MAGI3: variants seen among roughly 807,000 people sequenced by gnomAD.
MAGI3 encodes membrane associated guanylate kinase, WW and PDZ domain containing 3, also known as membrane-associated guanylate kinase, WW and PDZ domain-containing protein 3.
In MAGI3, 43 loss-of-function variants were observed where a neutral mutation model predicts 121.8. The ratio of observed to expected loss-of-function variants is 0.35; its 90% confidence interval spans 0.28 to 0.46. MAGI3 has a LOEUF of 0.46. Ranked by LOEUF, MAGI3 falls within the 20% of genes least tolerant of loss-of-function variation. The pLI is 1.00. For synonymous variants in MAGI3, 553 were observed against 639.3 expected, an observed-to-expected ratio of 0.86 and a Z score of 2.04; for missense variants, 1,547 against 1,797.3, an observed-to-expected ratio of 0.86 and a Z score of 2.52.
chr1:113,593,416 G>T (rs990768136), intron 5 of MAGI3, among the ~76,000 whole-genome samples: 2 of 152,058 alleles, frequency 1.3e-5, no homozygotes, highest in Non-Finnish European at 2.9e-5. Flanking sequence ...GGTGGCACAC[G>T]CCTGTAGTCA....
intron 1 of MAGI3, among the ~76,000 whole-genome samples, chr1:113,521,639 C>T (rs1223995064): frequency 2.6e-5 from 4 of 152,014 alleles, no homozygotes; most frequent in Non-Finnish European, 5.9e-5. Context: ...ATCTCCTGAC[C>T]TCGTGATCCA....
chr1:113,642,641 C>T (rs1652614225), intron 10 of MAGI3, 125 bp downstream of exon 10: 1 of 1,066,838 alleles, frequency 9.4e-7, no homozygotes, highest in Admixed American at 2.6e-5. Flanking sequence ...GTGCATTTTC[C>T]TTAAGGTTCT....
chr1:113,677,491 C>T (rs1183663981), intron 19 of MAGI3, among the ~76,000 whole-genome samples: 3 of 152,090 alleles, frequency 2.0e-5, no homozygotes, highest in Admixed American at 2.0e-4. Context: ...ATGTGCTTTC[C>T]GCTATGTCAG....
intron 1 of MAGI3, among the ~76,000 whole-genome samples, chr1:113,477,521 A>C (rs1397115074): frequency 6.6e-6 from 1 of 152,170 alleles, no homozygotes; most frequent in Non-Finnish European, 1.5e-5. Context: ...TCTGGGTTGA[A>C]AATTCTTTTC....
chr1:113,414,357 T>A (rs1176986154), intron 1 of MAGI3, among the ~76,000 whole-genome samples: 2 of 152,210 alleles, frequency 1.3e-5, no homozygotes, highest in Non-Finnish European at 2.9e-5. Context: ...GTTGTGTCTC[T>A]GCCAGGCTTT....
Position 113,505,512 on chromosome 1 carries a change from TAATAAATA to T in MAGI3, c.317-43966_317-43959del, listed in dbSNP as rs58511819. ...AAATAAGACATACAGGGTCCCTACA[TAATAAATA>T]AATAAATAAATAAATAAATAAATAA... On this transcript the variant is annotated intron_variant, in intron 1 of 20. Coordinates refer to ENST00000307546, the MANE Select transcript of MAGI3 (RefSeq NM_001142782.2). Among the ~76,000 whole-genome samples, 1,170 of 135,584 alleles carry T rather than the reference TAATAAATA, an allele frequency of 8.6e-3. 10 individuals carry two copies. The highest frequency in any genetic ancestry group is 0.013 in the Non-Finnish European group (807 of 64,134). The allele number at this position is 135,584 out of a possible 152,430, so 88.9% of individuals were successfully genotyped here. A position where few individuals can be genotyped will look rare whatever the true frequency, so the allele number is the denominator to read the frequency against.
Position 113,642,178 on chromosome 1 carries a change from A to G in MAGI3, c.1628A>G (p.Lys543Arg). The change falls in exon 10 of 21, where the codon AAA becomes AGA. Residue 543 changes from lysine (K) to arginine (R), a missense_variant. Transcript: ENST00000307546. ...GCAATGGTTCTGGAGCAGAATGGAA[A>G]ATCGGGACACACTTTGACTGGTGAT... ...PGAMVLEQNG[K>R]SGHTLTGDGL... The G allele has an allele frequency of 6.2e-7, 1 of 1,614,172 alleles. No homozygotes were observed. The highest frequency in any genetic ancestry group is 8.5e-7 in the Non-Finnish European group (1 of 1,180,028).
intron 16 of MAGI3, among the ~76,000 whole-genome samples, chr1:113,670,449 A>T (rs912692653): frequency 3.9e-5 from 6 of 152,196 alleles, no homozygotes; most frequent in Non-Finnish European, 8.8e-5. Context: ...ACTGCTTCTT[A>T]ATTATCTCTT....
chr1:113,557,171 T>C (rs1660030442), intron 2 of MAGI3, among the ~76,000 whole-genome samples: 1 of 151,850 alleles, frequency 6.6e-6, no homozygotes, highest in Non-Finnish European at 1.5e-5. Flanking sequence ...CATAGTGGCT[T>C]TGCCAGATCA....
chr1:113,425,752 T>G (rs1652977981), intron 1 of MAGI3, among the ~76,000 whole-genome samples: 1 of 152,192 alleles, frequency 6.6e-6, no homozygotes, highest in South Asian at 2.1e-4. Flanking sequence ...TCCGTCGTAA[T>G]AGACCCTGTT....
chr1:113,465,900 A>G (rs1655258792), intron 1 of MAGI3, among the ~76,000 whole-genome samples: 1 of 151,922 alleles, frequency 6.6e-6, no homozygotes, highest in Admixed American at 6.6e-5. Context: ...TTTTTTTGGT[A>G]GAATCTTTAG....
intron 2 of MAGI3, among the ~76,000 whole-genome samples, chr1:113,558,978 C>A (rs1660106121): frequency 6.6e-6 from 1 of 152,152 alleles, no homozygotes; most frequent in Admixed American, 6.5e-5. Flanking sequence ...GAATTAATAT[C>A]CTTTACAGAC....
intron 2 of MAGI3, among the ~76,000 whole-genome samples, chr1:113,559,301 A>G (rs914220056): frequency 6.6e-6 from 1 of 152,248 alleles, no homozygotes; most frequent in Non-Finnish European, 1.5e-5. Context: ...ACTGTCTTCA[A>G]GAGACCCATC....
In MAGI3 at chr1:113,633,238, A is replaced by ATTTTTTTTTT. The variant is rs71090716; in HGVS notation, c.1361-8641_1361-8632dup. ...TCCCTACAAAGGACATGAACTCATC[A>ATTTTTTTTTT]TTTTTTTTTTTTTTTTTTTTTTTTT... On this transcript the variant is annotated intron_variant, in intron 9 of 20. Transcript: ENST00000307546. Among the ~76,000 whole-genome samples, 16 of 56,670 alleles carry ATTTTTTTTTT rather than the reference A, an allele frequency of 2.8e-4. 5 individuals carry two copies. The highest frequency in any genetic ancestry group is 3.6e-4 in the Non-Finnish European group (11 of 30,902). The allele number at this position is 56,670 out of a possible 152,430, so 37.2% of individuals were successfully genotyped here.
At chr1:113,596,275 C>A (rs1210248925) in intron 6 of MAGI3, among the ~76,000 whole-genome samples, 4 of 152,128 alleles carry the variant, frequency 2.6e-5, no homozygotes, top group African/African-American at 9.7e-5. Context: ...TTATTTTCAA[C>A]CAAAGTGCCA....
intron 9 of MAGI3, among the ~76,000 whole-genome samples, chr1:113,633,131 C>T (rs1344220076): frequency 7.0e-6 from 1 of 143,730 alleles, no homozygotes; most frequent in Non-Finnish European, 1.5e-5. Flanking sequence ...TCACTTCCCA[C>T]CTATGAGTGA....
chr1:113,444,289 CAG>C (rs1175516854), intron 1 of MAGI3, among the ~76,000 whole-genome samples: 1 of 152,184 alleles, frequency 6.6e-6, no homozygotes, highest in South Asian at 2.1e-4. Flanking sequence ...CACAGAGGTG[CAG>C]AGAGAGGATG....
chr1:113,453,322 T>C (rs1654578448), intron 1 of MAGI3, among the ~76,000 whole-genome samples: 1 of 152,166 alleles, frequency 6.6e-6, no homozygotes, highest in Admixed American at 6.5e-5. Flanking sequence ...CAAATTTCCA[T>C]AAAGTAGAAC....
intron 5 of MAGI3, among the ~76,000 whole-genome samples, chr1:113,593,841 CT>C (rs2101740460): frequency 6.6e-6 from 1 of 152,198 alleles, no homozygotes; most frequent in Non-Finnish European, 1.5e-5. Flanking sequence ...TTATTCCTCC[CT>C]TTTTTCCTGT....
Sources: gnomAD v4.1 joint callset for allele counts (sites outside exome capture counted in the v4.1 genomes callset) on GRCh38, gnomAD v4.1.1 for gene constraint, MANE v1.5 for transcripts, NCBI Gene and HGNC (gene_info 2026-07-23, HGNC 2026-07-21) for gene names.